The following TBCE variants were observed in gnomAD, a reference collection of about 807,000 sequenced individuals.
TBCE encodes the protein tubulin folding cofactor E.
Under a neutral mutation model 77.0 loss-of-function variants are expected in TBCE, and 53 were observed. The observed-to-expected ratio is 0.69, with a 90% confidence interval of 0.55 to 0.87. The LOEUF (loss-of-function observed/expected upper bound fraction) is 0.87, where lower values mean the gene tolerates loss of function less well. Ranked by LOEUF, TBCE falls within the 40% of genes least tolerant of loss-of-function variation. The pLI is 0.00. For synonymous variants in TBCE, 235 were observed against 241.3 expected, an observed-to-expected ratio of 0.97 and a Z score of 0.24; for missense variants, 624 against 622.4, an observed-to-expected ratio of 1.00 and a Z score of -0.03.
At chr1:235,376,942 C>T (rs1023902037) in intron 1 of TBCE, among the ~76,000 whole-genome samples, 18 of 151,944 alleles carry the variant, frequency 1.2e-4, no homozygotes, top group African/African-American at 3.4e-4. Context: ...CCAGCCTGAG[C>T]GACAGAGTGA....
intron 15 of TBCE, among the ~76,000 whole-genome samples, chr1:235,446,437 A>G (rs1205569422): frequency 6.6e-6 from 1 of 152,118 alleles, no homozygotes; most frequent in Non-Finnish European, 1.5e-5. Context: ...TCGGCCTCCC[A>G]AAGTGTTGGG....
chr1:235,412,270 G>A lies in TBCE; in HGVS notation c.186-2163G>A, dbSNP rs185239925. 3.2e-3 allele frequency among the ~76,000 whole-genome samples: 139 copies of A among 43,312 alleles called. 1 individual carries two copies. Among genetic ancestry groups the A allele is most frequent in the Non-Finnish European group, 4.8e-3 (103 of 21,542 alleles). The allele number at this position is 43,312 out of a possible 152,430, so 28.4% of individuals were successfully genotyped here. ...TCCCCTCCCCTCGTTTCCATCTGTC[G>A]CCCAGGCTAGAGTGCAATGATGTGA... On this transcript the variant is annotated intron_variant, in intron 3 of 16. Coordinates refer to ENST00000642610, the MANE Select transcript of TBCE (RefSeq NM_003193.5).
At chr1:235,404,599 T>G (rs907675389) in intron 3 of TBCE, among the ~76,000 whole-genome samples, 3 of 152,078 alleles carry the variant, frequency 2.0e-5, no homozygotes, top group Non-Finnish European at 4.4e-5. Flanking sequence ...TACACTAAAC[T>G]TAGAAGTTTT....
chr1:235,383,347 G>A lies in TBCE; in HGVS notation c.100+3198G>A, dbSNP rs1436284096. Among the ~76,000 whole-genome samples, 5 of 152,078 alleles carry A rather than the reference G, an allele frequency of 3.3e-5. No homozygotes were observed. In the East Asian group the frequency reaches 9.6e-4, roughly 29 times the overall value. On this transcript the variant is annotated intron_variant, in intron 2 of 16. Coordinates refer to ENST00000642610, the MANE Select transcript of TBCE (RefSeq NM_003193.5). ...CTTTAAAGTAGTTTTTTCCAATTCTGTGAAGAAAGTCATTGGTAGCTTGAT... is the reference window on the plus strand; with the variant it reads ...CTTTAAAGTAGTTTTTTCCAATTCTATGAAGAAAGTCATTGGTAGCTTGAT...
At position 235,447,124 on chromosome 1, in the gene TBCE, G is replaced by C. The variant is rs1453298493; in HGVS notation, c.1400-1225G>C. On this transcript the variant is annotated intron_variant, in intron 15 of 16. Coordinates refer to ENST00000642610, the MANE Select transcript of TBCE (RefSeq NM_003193.5). ...CCGTCTCAATCTTTTGAAAGGACTAGACTATCACATATTCACACATGAAAG... is the reference window on the plus strand; with the variant it reads ...CCGTCTCAATCTTTTGAAAGGACTACACTATCACATATTCACACATGAAAG... 2.0e-5 allele frequency among the ~76,000 whole-genome samples: 3 copies of C among 152,126 alleles called. No individual in the cohort carries two copies. In the East Asian group the frequency reaches 5.8e-4, roughly 29 times the overall value.
chr1:235,423,343 T>C (rs1387475278), intron 5 of TBCE, among the ~76,000 whole-genome samples: 1 of 152,072 alleles, frequency 6.6e-6, no homozygotes, highest in Non-Finnish European at 1.5e-5. Flanking sequence ...CTGTTGTTCG[T>C]GGTTGATTTC....
chr1:235,440,005 CTG>C (rs1681737131), intron 13 of TBCE, among the ~76,000 whole-genome samples: 1 of 151,964 alleles, frequency 6.6e-6, no homozygotes, highest in African/African-American at 2.4e-5. Flanking sequence ...GAGCCTCGCT[CTG>C]TCGCCCAGGC....
intron 3 of TBCE, among the ~76,000 whole-genome samples, chr1:235,409,984 C>T (rs1271557042): frequency 1.4e-5 from 2 of 147,452 alleles, no homozygotes; most frequent in Non-Finnish European, 3.0e-5. Context: ...GAACCGAGAT[C>T]GTGCCACTGC....
intron 4 of TBCE, chr1:235,415,008 T>C: frequency 3.4e-6 from 1 of 298,232 alleles, no homozygotes; most frequent in Non-Finnish European, 6.5e-6. Flanking sequence ...GTGCCGTCTG[T>C]TAATAGTAGG....
chr1:235,370,699 A>G (rs1676868547), intron 1 of TBCE, among the ~76,000 whole-genome samples: 1 of 150,592 alleles, frequency 6.6e-6, no homozygotes, highest in Non-Finnish European at 1.5e-5. Context: ...TTTTTGCACC[A>G]TCTTCTACAC....
intron 15 of TBCE, 131 bp from the exon 16 acceptor site, chr1:235,448,218 C>CG: frequency 1.5e-6 from 1 of 671,990 alleles, no homozygotes; most frequent in South Asian, 1.6e-5. Flanking sequence ...GTAAGTCAGT[C>CG]TCAAAAAAAA....
intron 5 of TBCE, among the ~76,000 whole-genome samples, chr1:235,420,767 C>T (rs1680358126): frequency 6.6e-6 from 1 of 152,146 alleles, no homozygotes; most frequent in South Asian, 2.1e-4. Context: ...AGGCGTGAGC[C>T]ACCACGCCTG....
intron 4 of TBCE, 195 bp from the exon 5 acceptor site, chr1:235,419,278 C>A: frequency 1.3e-6 from 1 of 761,240 alleles, no homozygotes; most frequent in Non-Finnish European, 2.1e-6. Flanking sequence ...CAGAGGACTT[C>A]AGTTGCATTT....
intron 2 of TBCE, among the ~76,000 whole-genome samples, chr1:235,398,726 C>T (rs1260743857): frequency 1.4e-5 from 2 of 146,572 alleles, no homozygotes; most frequent in Non-Finnish European, 3.0e-5. Flanking sequence ...CCTCCCACCT[C>T]AGCCTTCCGA....
In TBCE at chr1:235,375,896, A is replaced by C. The variant is rs538437464; in HGVS notation, c.-31-4123A>C. The stretch of plus-strand genomic sequence containing the variant: ...CATCTCTATTGAAAAAAAAAATACA[A>C]AATTAGCCGGGCTTGGTGGCACATG... On this transcript the variant is annotated intron_variant, in intron 1 of 16. Transcript: ENST00000642610. Among the ~76,000 whole-genome samples the C allele has an allele frequency of 2.4e-4, 37 of 152,194 alleles. 1 individual carries two copies. Among genetic ancestry groups the C allele is most frequent in the Middle Eastern group, 3.4e-3 (1 of 294 alleles).
Position 235,392,681 on chromosome 1 carries a change from G to C in TBCE, c.101-8822G>C, listed in dbSNP as rs148046864. On this transcript the variant is annotated intron_variant, in intron 2 of 16. Transcript: ENST00000642610. ...CCACCTCAGCCTCCCAAAGTGCTGG[G>C]ATTACATGCCTGAGCCACCACGCCT... 5.5e-3 allele frequency among the ~76,000 whole-genome samples: 835 copies of C among 151,772 alleles called. 8 individuals carry two copies. Among genetic ancestry groups the C allele is most frequent in the African/African-American group, 0.02 (811 of 41,428 alleles).
At chr1:235,443,084 C>CA in intron 15 of TBCE, 173 bp downstream of exon 15, 1 of 680,322 alleles carries the variant, frequency 1.5e-6, no homozygotes, top group Non-Finnish European at 2.5e-6. Context: ...ATCACTCCCC[C>CA]ATGCCCCCAA....
intron 7 of TBCE, chr1:235,433,752 AAAG>A (rs1297326010): frequency 1.3e-5 from 2 of 159,018 alleles, no homozygotes; most frequent in Non-Finnish European, 2.8e-5. Context: ...AAAAATAATG[AAAG>A]AAGAAATAAT....
chr1:235,410,099 CA>C (rs1294351721), intron 3 of TBCE, among the ~76,000 whole-genome samples: 1 of 149,920 alleles, frequency 6.7e-6, no homozygotes, highest in South Asian at 2.1e-4. Flanking sequence ...CCTGTAATCC[CA>C]GCTACTCAGG....
Sources: gnomAD v4.1 joint callset for allele counts (sites outside exome capture counted in the v4.1 genomes callset) on GRCh38, gnomAD v4.1.1 for gene constraint, MANE v1.5 for transcripts, NCBI Gene and HGNC (gene_info 2026-07-23, HGNC 2026-07-21) for gene names.